ZNF138: variants seen among roughly 807,000 people sequenced by gnomAD.
ZNF138 encodes the protein zinc finger protein 138.
A neutral mutation model predicts 33.0 loss-of-function variants in ZNF138; 33 were observed. That is an observed-to-expected ratio of 1.00 (90% confidence interval 0.76 to 1.34). The LOEUF (loss-of-function observed/expected upper bound fraction) is 1.34. ZNF138 is among the 40% of genes most tolerant of loss of function. ZNF138 has a pLI of 0.00. For synonymous variants in ZNF138, 139 were observed against 120.4 expected (o/e 1.15, Z -1.01); for missense variants, 360 against 370.8 (o/e 0.97, Z 0.24).
the ZNF138 span, among the ~76,000 whole-genome samples, chr7:64,850,308 A>G: frequency 1.1e-4 from 17 of 152,244 alleles, no homozygotes; most frequent in Non-Finnish European, 2.1e-4. Flanking sequence ...GCTGTCTGCC[A>G]GGTCCTGTTG....
At chr7:64,846,828 G>T in the ZNF138 span, among the ~76,000 whole-genome samples, 1 of 152,106 alleles carries the variant, frequency 6.6e-6, no homozygotes, top group East Asian at 1.9e-4. Context: ...GGACATTTTT[G>T]TCTTGTTCCA....
chr7:64,806,553 G>C (rs1787614900), intron 1 of ZNF138, among the ~76,000 whole-genome samples: 6 of 147,878 alleles, frequency 4.1e-5, no homozygotes, highest in Admixed American at 3.5e-4. Context: ...TCCAAACTCT[G>C]AATCTAGGTA....
intron 1 of ZNF138, among the ~76,000 whole-genome samples, chr7:64,795,458 C>G (rs1230180333): frequency 6.6e-6 from 1 of 152,164 alleles, no homozygotes. Flanking sequence ...ACTAAATTTC[C>G]AGTTCCTTCT....
chr7:64,848,372 G>A, the ZNF138 span, among the ~76,000 whole-genome samples: 5 of 151,032 alleles, frequency 3.3e-5, no homozygotes, highest in Non-Finnish European at 5.9e-5. Flanking sequence ...TTGTTGTTGG[G>A]TTGGGTTAAT....
At chr7:64,800,019 C>G (rs931267594) in intron 1 of ZNF138, among the ~76,000 whole-genome samples, 1 of 152,162 alleles carries the variant, frequency 6.6e-6, no homozygotes, top group African/African-American at 2.4e-5. Flanking sequence ...AATTTTTGTA[C>G]ATTTATTTTG....
the ZNF138 span, among the ~76,000 whole-genome samples, chr7:64,841,952 CAG>C: frequency 1.3e-5 from 2 of 152,156 alleles, no homozygotes; most frequent in East Asian, 1.9e-4. Flanking sequence ...AATTCTTACA[CAG>C]AGTGTGACAC....
chr7:64,832,192 A>G lies in ZNF138; in HGVS notation c.950A>G (p.Asn317Ser). ...YKCEECGKAFNLS is the reference protein window; with the variant it reads ...YKCEECGKAFSLS ...TGTGAGGAATGTGGCAAAGCTTTTAACCTATCTTAACAACTTACTGAACAT... is the reference window on the plus strand; with the variant it reads ...TGTGAGGAATGTGGCAAAGCTTTTAGCCTATCTTAACAACTTACTGAACAT... The change falls in exon 4 of 4, where the codon AAC (asparagine) becomes AGC (serine). Residue 317 changes from asparagine to serine, a missense_variant. Transcript: ENST00000307355. The G allele has an allele frequency of 1.2e-6, 2 of 1,605,906 alleles. No homozygotes were observed. The highest frequency in any genetic ancestry group is 1.1e-5 in the South Asian group (1 of 89,986).
chr7:64,852,452 T>G, the ZNF138 span: 2 of 1,581,536 alleles, frequency 1.3e-6, no homozygotes, highest in Admixed American at 3.5e-5. Context: ...TGGTGCAATC[T>G]CGATGATCAG....
At chr7:64,829,069 C>T (rs1003569879) in intron 3 of ZNF138, among the ~76,000 whole-genome samples, 1 of 152,024 alleles carries the variant, frequency 6.6e-6, no homozygotes, top group African/African-American at 2.4e-5. Context: ...AGAAAGTGAT[C>T]TATACAAATT....
At chr7:64,834,356 A>T (rs569600203), downstream of ZNF138, among the ~76,000 whole-genome samples, 5 of 152,340 alleles carry the variant, frequency 3.3e-5, no homozygotes, top group East Asian at 9.6e-4. Flanking sequence ...AAAAATATCT[A>T]AGGCACTGAC....
intron 3 of ZNF138, among the ~76,000 whole-genome samples, chr7:64,826,402 C>T (rs1789618594): frequency 6.6e-6 from 1 of 152,106 alleles, no homozygotes; most frequent in African/African-American, 2.4e-5. Flanking sequence ...GCCTTGGCCT[C>T]CCAAGTAGCT....
rs779386846 is a variant in ZNF138 at position 64,831,491 on chromosome 7, GA to G, written c.251del (p.Asn84ThrfsTer2). Reference protein sequence around the residue: ...RFAQDLWLEQNIKDSFQKVTL... With the variant: ...RFAQDLWLEQXIKDSFQKVTL... ...TTGCCCAAGACCTTTGGCTAGAGCA[GA>G]ACATAAAAGATTCTTTCCAAAAAGT... On this transcript the variant is annotated frameshift_variant, in exon 4 of 4. Transcript: ENST00000307355. LOFTEE classifies it high-confidence loss of function. 1.3e-4 allele frequency: 206 copies of G among 1,599,160 alleles called. No individual in the cohort carries two copies. In the African/African-American group the frequency reaches 2.5e-3, roughly 20 times the overall value.
chr7:64,852,409 G>A, the ZNF138 span: 13 of 1,547,136 alleles, frequency 8.4e-6, no homozygotes, highest in Middle Eastern at 1.7e-4. Context: ...AGGTGGCCCC[G>A]GGTGTGGGAT....
intron 3 of ZNF138, among the ~76,000 whole-genome samples, chr7:64,827,889 A>G (rs2129013620): frequency 6.6e-6 from 1 of 152,276 alleles, no homozygotes; most frequent in East Asian, 1.9e-4. Context: ...TATATTGTGT[A>G]TGACAATATT....
chr7:64,818,386 T>C (rs950276172), intron 3 of ZNF138, among the ~76,000 whole-genome samples: 8 of 152,222 alleles, frequency 5.3e-5, no homozygotes, highest in African/African-American at 7.2e-5. Context: ...GCTTCCACAG[T>C]TGGATTACAG....
chr7:64,835,085 T>C (rs921491219), downstream of ZNF138, among the ~76,000 whole-genome samples: 2 of 151,378 alleles, frequency 1.3e-5, no homozygotes. Context: ...AGGGGCGGGG[T>C]CGGTTGAGTT....
chr7:64,798,359 G>A (rs1209418189), intron 1 of ZNF138, among the ~76,000 whole-genome samples: 1 of 152,230 alleles, frequency 6.6e-6, no homozygotes, highest in African/African-American at 2.4e-5. Flanking sequence ...GGAGCTGTGG[G>A]AAGGAGATAA....
intron 1 of ZNF138, 139 bp downstream of exon 1, chr7:64,794,710 C>A: frequency 3.9e-6 from 5 of 1,282,730 alleles, no homozygotes; most frequent in Non-Finnish European, 5.5e-6. Flanking sequence ...ACAGCTCGGC[C>A]CTCAGTCCCC....
At chr7:64,808,572 G>A (rs2128993479) in intron 1 of ZNF138, among the ~76,000 whole-genome samples, 1 of 79,316 alleles carries the variant, frequency 1.3e-5, no homozygotes, top group South Asian at 6.0e-4. Context: ...GTTGCTATTA[G>A]TATTTCTGTT....
Sources: gnomAD v4.1 joint callset for allele counts (sites outside exome capture counted in the v4.1 genomes callset) on GRCh38, gnomAD v4.1.1 for gene constraint, MANE v1.5 for transcripts, NCBI Gene and HGNC (gene_info 2026-07-23, HGNC 2026-07-21) for gene names.